Variants in HPSE2 observed in about 807,000 individuals in gnomAD.
HPSE2 encodes the protein inactive heparanase-2.
HPSE2 carries 38 observed loss-of-function variants against 60.5 expected under a neutral mutation model. That is an observed-to-expected ratio of 0.63 (90% CI 0.48 to 0.82). The LOEUF is 0.82. HPSE2 is among the 40% of genes least tolerant of loss of function. The pLI is 0.00. For missense variants in HPSE2, 713 were observed against 740.4 expected, an observed-to-expected ratio of 0.96 and a Z score of 0.43; for synonymous variants, 295 against 293.2, an observed-to-expected ratio of 1.01 and a Z score of -0.06.
chr10:98,925,094 G>A lies in HPSE2; in HGVS notation c.611-181038C>T, dbSNP rs1954411696. ...CTGCACTGCATGGCCACTGCTAGGGGATGGAGGTGAGGTGGTGTCAGTGAT... is the reference window on the plus strand; with the variant it reads ...CTGCACTGCATGGCCACTGCTAGGGAATGGAGGTGAGGTGGTGTCAGTGAT... On this transcript the variant is annotated intron_variant, in intron 3 of 11. Coordinates refer to ENST00000370552, the MANE Select transcript of HPSE2 (RefSeq NM_021828.5). Among the ~76,000 whole-genome samples the A allele has an allele frequency of 2.0e-5, 3 of 152,350 alleles. No individual in the cohort carries two copies. In the South Asian group the frequency reaches 6.2e-4, roughly 32 times the overall value.
At chr10:99,235,954 GCT>G (rs959700530), upstream of HPSE2, 3,569 of 517,670 alleles carry the variant, frequency 6.9e-3, no homozygotes, top group South Asian at 0.01. Context: ...TCTCTCTCCC[GCT>G]CTCTCTCTCT....
At chr10:98,653,674 T>TTA (rs1381821766) in intron 6 of HPSE2, among the ~76,000 whole-genome samples, 1 of 152,076 alleles carries the variant, frequency 6.6e-6, no homozygotes, top group African/African-American at 2.4e-5. Context: ...TTCATTTCCC[T>TTA]TATATATATG....
chr10:98,714,125 TTC>T (rs916345148), intron 5 of HPSE2, among the ~76,000 whole-genome samples: 3 of 152,052 alleles, frequency 2.0e-5, no homozygotes, highest in Admixed American at 1.3e-4. Context: ...TCAATAATAT[TTC>T]TCTGTCTCTG....
chr10:99,061,888 T>C (rs2135525258), intron 3 of HPSE2, among the ~76,000 whole-genome samples: 1 of 152,336 alleles, frequency 6.6e-6, no homozygotes, highest in East Asian at 1.9e-4. Context: ...CTGAGAAGTA[T>C]TGGGGAGATA....
intron 6 of HPSE2, among the ~76,000 whole-genome samples, chr10:98,688,063 T>C (rs1399789478): frequency 6.6e-6 from 1 of 152,168 alleles, no homozygotes; most frequent in African/African-American, 2.4e-5. Flanking sequence ...ATTTCTTATT[T>C]TAATCCTAAT....
At chr10:98,946,387 C>T (rs956994980) in intron 3 of HPSE2, among the ~76,000 whole-genome samples, 20 of 150,890 alleles carry the variant, frequency 1.3e-4, no homozygotes, top group African/African-American at 3.7e-4. Context: ...GCAGGAGCAT[C>T]GTTTCAGCCC....
intron 3 of HPSE2, among the ~76,000 whole-genome samples, chr10:99,006,698 C>G (rs527308591): frequency 3.3e-5 from 5 of 152,278 alleles, no homozygotes; most frequent in African/African-American, 1.2e-4. Flanking sequence ...GTTGAACCTA[C>G]AGCCCAAGTC....
chr10:98,627,126 T>G (rs1205386530), intron 7 of HPSE2, among the ~76,000 whole-genome samples: 1 of 152,186 alleles, frequency 6.6e-6, no homozygotes, highest in African/African-American at 2.4e-5. Context: ...AAGTGAGGAC[T>G]TGATTCCAGA....
chr10:98,780,587 A>G (rs1950442976), intron 3 of HPSE2, among the ~76,000 whole-genome samples: 1 of 152,122 alleles, frequency 6.6e-6, no homozygotes, highest in Non-Finnish European at 1.5e-5. Flanking sequence ...GGGACTGAAT[A>G]GTGGAGATTG....
chr10:98,641,995 T>C, intron 6 of HPSE2, 55 bp from the exon 7 acceptor site: 1 of 1,407,030 alleles, frequency 7.1e-7, no homozygotes, highest in South Asian at 1.1e-5. Flanking sequence ...GGATTATAAA[T>C]ACACTTCTCT....
chr10:98,463,909 G>C (rs1940415640), intron 11 of HPSE2, among the ~76,000 whole-genome samples: 1 of 151,668 alleles, frequency 6.6e-6, no homozygotes, highest in African/African-American at 2.4e-5. Context: ...ACGAGGTCAG[G>C]AGTTTGAGAC....
chr10:99,305,979 G>GCGCACACACACACACACACACACACACA, the HPSE2 span, among the ~76,000 whole-genome samples: 25 of 80,580 alleles, frequency 3.1e-4, 1 homozygote, highest in African/African-American at 9.2e-4. Context: ...GCGCGCGCGC[G>GCGCACACACACACACACACACACACACA]CACACACACA....
intron 3 of HPSE2, among the ~76,000 whole-genome samples, chr10:98,930,522 A>C (rs1954614135): frequency 6.9e-6 from 1 of 144,210 alleles, no homozygotes; most frequent in Admixed American, 6.9e-5. Flanking sequence ...TGCTGGGTCA[A>C]ATGATATTTC....
the HPSE2 span, among the ~76,000 whole-genome samples, chr10:99,245,123 G>A: frequency 1.3e-5 from 2 of 151,990 alleles, no homozygotes; most frequent in South Asian, 4.1e-4. Flanking sequence ...CAATAAAATA[G>A]TATTTCCTGT....
chr10:98,575,159 T>C (rs781491170), intron 9 of HPSE2, among the ~76,000 whole-genome samples: 1 of 152,198 alleles, frequency 6.6e-6, no homozygotes, highest in East Asian at 1.9e-4. Context: ...CAACCAATTA[T>C]GGATCATGAG....
At chr10:99,154,352 G>C (rs1461118958) in intron 2 of HPSE2, among the ~76,000 whole-genome samples, 1 of 96,126 alleles carries the variant, frequency 1.0e-5, no homozygotes, top group Non-Finnish European at 2.4e-5. Context: ...CAGCCAGAGA[G>C]AAAGGTCGGG....
At chr10:99,208,335 G>A (rs1013543646) in intron 2 of HPSE2, among the ~76,000 whole-genome samples, 8 of 152,064 alleles carry the variant, frequency 5.3e-5, no homozygotes, top group Non-Finnish European at 1.0e-4. Flanking sequence ...ACAATAGTAA[G>A]TCCTTACCTA....
intron 3 of HPSE2, among the ~76,000 whole-genome samples, chr10:99,079,834 T>C (rs753809743): frequency 1.3e-5 from 2 of 152,180 alleles, no homozygotes; most frequent in Non-Finnish European, 2.9e-5. Context: ...AGCTAAAGTA[T>C]GCCAGGTCCT....
the HPSE2 span, among the ~76,000 whole-genome samples, chr10:99,297,473 C>T: frequency 6.6e-6 from 1 of 152,180 alleles, no homozygotes; most frequent in African/African-American, 2.4e-5. Context: ...CTTAGAAGTC[C>T]CTCATTGTTT....
Sources: allele counts gnomAD v4.1 joint callset (sites outside exome capture counted in the v4.1 genomes callset), GRCh38; gene constraint gnomAD v4.1.1; transcripts MANE v1.5; gene names NCBI Gene and HGNC (gene_info 2026-07-23, HGNC 2026-07-21).